PTPRK: variants seen among roughly 807,000 people sequenced by gnomAD.
PTPRK encodes the protein receptor-type tyrosine-protein phosphatase kappa.
In PTPRK, 75 loss-of-function variants were observed where a neutral mutation model predicts 178.0. The ratio of observed to expected loss-of-function variants is 0.42; its 90% CI spans 0.35 to 0.51. The LOEUF is 0.51. PTPRK is among the 20% of genes least tolerant of loss of function. The pLI, the probability that PTPRK is intolerant of heterozygous loss-of-function variation, is 0.02. For missense variants in PTPRK, 1,441 were observed against 1,797.8 expected, an observed-to-expected ratio of 0.80 and a Z score of 3.59; for synonymous variants, 637 against 620.6, an observed-to-expected ratio of 1.03 and a Z score of -0.39.
intron 11 of PTPRK, among the ~76,000 whole-genome samples, chr6:128,069,429 A>ATTTTT (rs1782423653): frequency 6.6e-6 from 1 of 152,184 alleles, no homozygotes; most frequent in Non-Finnish European, 1.5e-5. Context: ...TGGAGCAGGC[A>ATTTTT]TTTGTCAATT....
At chr6:128,039,008 A>G (rs1295885995) in intron 13 of PTPRK, among the ~76,000 whole-genome samples, 3 of 152,192 alleles carry the variant, frequency 2.0e-5, no homozygotes, top group Admixed American at 1.3e-4. Context: ...ATTCTAACAT[A>G]TTGTTTGGAA....
chr6:128,018,256 G>T (rs1465936722), intron 13 of PTPRK, among the ~76,000 whole-genome samples: 1 of 151,892 alleles, frequency 6.6e-6, no homozygotes, highest in East Asian at 1.9e-4. Context: ...TATTAAAAAT[G>T]CTCATAATTT....
rs573573804 is a variant in PTPRK at position 128,495,131 on chromosome 6, A to G, written c.100+25128T>C. Reference sequence around the variant, plus strand: ...TGTGGGTGAGTGTGTGTATCTATCCATTCATACACAGTCTAAAGAAGAGAA... The same window carrying G: ...TGTGGGTGAGTGTGTGTATCTATCCGTTCATACACAGTCTAAAGAAGAGAA... On this transcript the variant is annotated intron_variant, in intron 1 of 29. Transcript: ENST00000368226. Among the ~76,000 whole-genome samples, 3 of 152,306 alleles carry G rather than the reference A, an allele frequency of 2.0e-5. No individual in the cohort carries two copies. In the East Asian group the frequency reaches 5.8e-4, roughly 29 times the overall value.
intron 13 of PTPRK, among the ~76,000 whole-genome samples, chr6:128,012,263 A>AT (rs142706416): frequency 0.017 from 2,635 of 151,316 alleles, 74 homozygotes; most frequent in African/African-American, 0.061. Context: ...AATCACATGT[A>AT]TTTTTTTAAG....
chr6:128,373,370 G>A (rs868201363), intron 2 of PTPRK, among the ~76,000 whole-genome samples: 12 of 152,188 alleles, frequency 7.9e-5, no homozygotes, highest in African/African-American at 2.9e-4. Flanking sequence ...CACAAAACAC[G>A]CACATCCTCA....
intron 3 of PTPRK, among the ~76,000 whole-genome samples, chr6:128,316,781 G>A (rs955340835): frequency 3.4e-5 from 5 of 148,310 alleles, no homozygotes; most frequent in South Asian, 2.1e-4. Flanking sequence ...GCAGTGGTGC[G>A]ATCTCCACTC....
chr6:128,142,573 C>T (rs558965475), intron 7 of PTPRK, among the ~76,000 whole-genome samples: 29 of 151,216 alleles, frequency 1.9e-4, no homozygotes, highest in Non-Finnish European at 2.2e-4. Flanking sequence ...CACACACACA[C>T]GTGTGGTTTT....
chr6:128,395,401 C>T (rs916163384), intron 2 of PTPRK, among the ~76,000 whole-genome samples: 2 of 152,210 alleles, frequency 1.3e-5, no homozygotes, highest in African/African-American at 2.4e-5. Context: ...CTGTAACCAC[C>T]GATTAAGCTG....
intron 7 of PTPRK, among the ~76,000 whole-genome samples, chr6:128,114,115 T>A (rs1241728789): frequency 6.6e-6 from 1 of 151,966 alleles, no homozygotes; most frequent in African/African-American, 2.4e-5. Flanking sequence ...TATTCCAGAT[T>A]GTATTAGTGC....
intron 6 of PTPRK, among the ~76,000 whole-genome samples, chr6:128,206,360 T>A (rs943643031): frequency 1.4e-5 from 2 of 144,030 alleles, no homozygotes; most frequent in African/African-American, 5.2e-5. Context: ...CACACTTCCA[T>A]CACCCAGCAG....
intron 18 of PTPRK, among the ~76,000 whole-genome samples, chr6:127,994,793 T>C (rs1417354883): frequency 4.6e-5 from 7 of 151,954 alleles, no homozygotes; most frequent in African/African-American, 7.2e-5. Flanking sequence ...TGAAATTTAG[T>C]AATTATTTTG....
intron 3 of PTPRK, among the ~76,000 whole-genome samples, chr6:128,313,050 G>A (rs1827472807): frequency 1.3e-5 from 2 of 152,052 alleles, no homozygotes; most frequent in African/African-American, 4.8e-5. Context: ...TAATCAGCAA[G>A]CCAATTTTCT....
At position 128,169,445 on chromosome 6, in the gene PTPRK, C is replaced by G. The variant is rs189573081; in HGVS notation, c.1162+14987G>C. Among the ~76,000 whole-genome samples, 262 of 152,026 alleles carry G rather than the reference C, an allele frequency of 1.7e-3. 1 individual carries two copies. The highest frequency in any genetic ancestry group is 6.0e-3 in the African/African-American group (249 of 41,510). On this transcript the variant is annotated intron_variant, in intron 7 of 29. Coordinates refer to ENST00000368226, the MANE Select transcript of PTPRK (RefSeq NM_002844.4). ...TAAATTCATGCTTATTGCTATAGAT[C>G]AATCTCTTTATTTTCTTTCTGGTAA...
intron 6 of PTPRK, among the ~76,000 whole-genome samples, chr6:128,185,353 T>TAATTTA (rs1226041096): frequency 2.0e-5 from 3 of 152,300 alleles, no homozygotes; most frequent in East Asian, 3.9e-4. Flanking sequence ...AGGCACACTA[T>TAATTTA]AATTTAATTT....
intron 1 of PTPRK, among the ~76,000 whole-genome samples, chr6:128,464,638 C>CATATATATATATATGTATAT (rs1849545488): frequency 4.1e-5 from 2 of 48,602 alleles, no homozygotes; most frequent in African/African-American, 1.9e-4. Flanking sequence ...TATATATACA[C>CATATATATATATATGTATAT]ATATATATAT....
At chr6:128,091,625 G>A (rs1415175897) in intron 7 of PTPRK, among the ~76,000 whole-genome samples, 2 of 152,148 alleles carry the variant, frequency 1.3e-5, no homozygotes, top group African/African-American at 2.4e-5. Flanking sequence ...AATACCTAGA[G>A]TATATGAGCA....
At chr6:128,401,229 G>C (rs1584538568) in intron 1 of PTPRK, among the ~76,000 whole-genome samples, 1 of 152,172 alleles carries the variant, frequency 6.6e-6, no homozygotes, top group African/African-American at 2.4e-5. Context: ...AAGCTGATAT[G>C]AACTTGCCAG....
chr6:128,287,297 C>T (rs1822659485), intron 3 of PTPRK, among the ~76,000 whole-genome samples: 1 of 152,132 alleles, frequency 6.6e-6, no homozygotes, highest in Non-Finnish European at 1.5e-5. Flanking sequence ...TACTGTCTTC[C>T]CTGAAGACCA....
At chr6:128,254,418 C>G (rs1816956632) in intron 3 of PTPRK, among the ~76,000 whole-genome samples, 1 of 151,876 alleles carries the variant, frequency 6.6e-6, no homozygotes, top group African/African-American at 2.4e-5. Context: ...CAGTCAGGTT[C>G]AACAGGAGAA....
Sources: allele counts gnomAD v4.1 joint callset (sites outside exome capture counted in the v4.1 genomes callset), GRCh38; gene constraint gnomAD v4.1.1; transcripts MANE v1.5; gene names NCBI Gene and HGNC (gene_info 2026-07-23, HGNC 2026-07-21).